Variants in RNASEH2B observed in about 807,000 individuals in gnomAD.
RNASEH2B encodes the protein ribonuclease H2 subunit B.
A neutral mutation model predicts 45.0 loss-of-function variants in RNASEH2B; 36 were observed. The observed-to-expected ratio is 0.80, with a 90% CI of 0.61 to 1.06. The LOEUF (loss-of-function observed/expected upper bound fraction) is 1.06. Ranked by LOEUF, RNASEH2B falls within the 50% of genes least tolerant of loss-of-function variation. The pLI is 0.00. For synonymous variants in RNASEH2B, 119 were observed against 125.7 expected, an observed-to-expected ratio of 0.95 and a Z score of 0.35; for missense variants, 361 against 360.3, an observed-to-expected ratio of 1.00 and a Z score of -0.02.
chr13:50,924,281 A>G (rs1278573381), intron 1 of RNASEH2B, among the ~76,000 whole-genome samples: 4 of 152,202 alleles, frequency 2.6e-5, no homozygotes, highest in Non-Finnish European at 5.9e-5. Context: ...TATCCTATCT[A>G]CTAGACACAC....
intron 1 of RNASEH2B, 196 bp downstream of exon 1, chr13:50,910,336 A>G: frequency 7.3e-6 from 3 of 412,032 alleles, no homozygotes; most frequent in East Asian, 7.7e-5. Flanking sequence ...GGAAGCGCCG[A>G]AAAGGACCGA....
At chr13:50,968,843 C>T (rs1422872606) in intron 9 of RNASEH2B, among the ~76,000 whole-genome samples, 1 of 152,158 alleles carries the variant, frequency 6.6e-6, no homozygotes, top group South Asian at 2.1e-4. Context: ...TTGATGGTCT[C>T]AGGCTAATCA....
rs766679026 is a variant in RNASEH2B, at chr13:50,927,488, C to T, written c.136+10C>T. 7 of 1,523,280 alleles carry T rather than the reference C, an allele frequency of 4.6e-6. No homozygotes were observed. The highest frequency in any genetic ancestry group is 6.4e-6 in the Non-Finnish European group (7 of 1,097,614). 94.4% of individuals were successfully genotyped at this position (1,523,280 alleles called of 1,614,324 possible). A position where few individuals can be genotyped will look rare whatever the true frequency, so the allele number is the denominator to read the frequency against. On this transcript the variant is annotated intron_variant, in intron 2 of 10. Coordinates refer to ENST00000336617, the MANE Select transcript of RNASEH2B (RefSeq NM_024570.4). The stretch of plus-strand genomic sequence containing the variant: ...GTTAACCCCTGTTCAGGTAAGTTCT[C>T]TTCTCATAACTTGAATGTTCTTAAA...
At chr13:50,920,992 T>A (rs1426880284) in intron 1 of RNASEH2B, among the ~76,000 whole-genome samples, 1 of 152,248 alleles carries the variant, frequency 6.6e-6, no homozygotes, top group Non-Finnish European at 1.5e-5. Context: ...AACTCTGTGC[T>A]TAGATTTCGT....
At chr13:50,939,218 G>A (rs1247520212) in intron 5 of RNASEH2B, 2 of 152,332 alleles carry the variant, frequency 1.3e-5, no homozygotes, top group Non-Finnish European at 2.9e-5. Context: ...TTAGCCAGGT[G>A]TGGTGGTGGG....
intron 5 of RNASEH2B, chr13:50,942,932 A>G (rs1010442985): frequency 5.0e-6 from 1 of 198,410 alleles, no homozygotes; most frequent in Non-Finnish European, 1.0e-5. Flanking sequence ...CTGAATACAC[A>G]ATGTAGTCTG....
At position 50,945,426 on chromosome 13, in the gene RNASEH2B, G is replaced by A. The variant is rs944032875; in HGVS notation, c.511-1G>A. ...CCTTTCCCCTCTTGGTTGCTTCATA[G>A]GTTAATCAAACTGTGGCAGCATTAA... is the stretch of plus-strand genomic sequence containing the variant. On this transcript the variant is annotated splice_acceptor_variant, in intron 6 of 10. Transcript: ENST00000336617. LOFTEE classifies it high-confidence loss of function. 2 of 1,608,358 alleles carry A rather than the reference G, an allele frequency of 1.2e-6. No homozygotes were observed. The highest frequency in any genetic ancestry group is 1.7e-5 in the Admixed American group (1 of 60,006).
At chr13:50,921,044 A>G (rs1951517703) in intron 1 of RNASEH2B, 1 of 152,190 alleles carries the variant, frequency 6.6e-6, no homozygotes, top group Non-Finnish European at 1.5e-5. Context: ...CGTGTTCTCG[A>G]CTTTTTCCAC....
At chr13:50,925,190 T>C (rs1951576678) in intron 1 of RNASEH2B, among the ~76,000 whole-genome samples, 1 of 152,042 alleles carries the variant, frequency 6.6e-6, no homozygotes, top group Middle Eastern at 3.4e-3. Flanking sequence ...GTATTTTTCA[T>C]CTTTAGAAAT....
chr13:50,936,434 G>A (rs1475986249), intron 5 of RNASEH2B: 1 of 152,134 alleles, frequency 6.6e-6, no homozygotes, highest in African/African-American at 2.4e-5. Flanking sequence ...GAACCTTATT[G>A]ATTGCATTTT....
chr13:50,949,415 T>C lies in RNASEH2B; in HGVS notation c.699-48T>C, dbSNP rs570354333. On this transcript the variant is annotated intron_variant, in intron 8 of 10. Transcript: ENST00000336617. ...AAGTTGGCCCTGTCTTTCTGTTTGTTTGTCTATGAAAAACGATGACTTTGA... is the reference window on the plus strand; with the variant it reads ...AAGTTGGCCCTGTCTTTCTGTTTGTCTGTCTATGAAAAACGATGACTTTGA... The C allele has an allele frequency of 1.2e-5, 19 of 1,582,046 alleles. No individual in the cohort carries two copies. In the East Asian group the frequency reaches 2.0e-4, roughly 17 times the overall value.
intron 1 of RNASEH2B, chr13:50,911,307 A>G (rs1370566511): frequency 6.6e-6 from 1 of 152,214 alleles, no homozygotes; most frequent in Non-Finnish European, 1.5e-5. Flanking sequence ...AAATTCATTC[A>G]TGTTGTAGCA....
chr13:50,934,621 T>G, intron 4 of RNASEH2B: 1 of 473,346 alleles, frequency 2.1e-6, no homozygotes. Context: ...CTTTTGTAGA[T>G]TGATTTTCTT....
chr13:50,936,427 C>A (rs541926165), intron 5 of RNASEH2B: 12 of 152,074 alleles, frequency 7.9e-5, no homozygotes, highest in African/African-American at 2.9e-4. Flanking sequence ...AAGAGAAGAA[C>A]CTTATTGATT....
Position 50,934,870 on chromosome 13 carries a change from T to A in RNASEH2B, c.322-15T>A. The A allele has an allele frequency of 6.5e-7, 1 of 1,537,040 alleles. No individual in the cohort carries two copies. The highest frequency in any genetic ancestry group is 9.0e-7 in the Non-Finnish European group (1 of 1,111,812). ...TTGAATGAAATGCTTGCTTTCCAACTAACTGTTTTTTCAGGGGAAGTTTCA... is the reference window on the plus strand; with the variant it reads ...TTGAATGAAATGCTTGCTTTCCAACAAACTGTTTTTTCAGGGGAAGTTTCA... On this transcript the variant is annotated splice_polypyrimidine_tract_variant and intron_variant, in intron 4 of 10. Transcript: ENST00000336617.
intron 8 of RNASEH2B, 150 bp from the exon 9 acceptor site, chr13:50,949,313 C>A: frequency 1.5e-6 from 1 of 683,248 alleles, no homozygotes; most frequent in Non-Finnish European, 2.6e-6. Flanking sequence ...AACTTTCATT[C>A]TTTACACTGA....
intron 7 of RNASEH2B, 70 bp from the exon 8 acceptor site, chr13:50,947,917 A>G: frequency 1.3e-6 from 2 of 1,595,754 alleles, no homozygotes; most frequent in African/African-American, 2.7e-5. Context: ...ATTCAGGTCA[A>G]TTTGACTATA....
intron 1 of RNASEH2B, among the ~76,000 whole-genome samples, chr13:50,925,586 C>G (rs903514690): frequency 5.3e-5 from 8 of 152,142 alleles, no homozygotes; most frequent in Admixed American, 4.6e-4. Context: ...CTACTAAGGA[C>G]CCTTTTGAGT....
At chr13:50,953,580 C>T (rs948658049) in intron 9 of RNASEH2B, 27 of 371,420 alleles carry the variant, frequency 7.3e-5, no homozygotes, top group Admixed American at 1.7e-4. Flanking sequence ...GCCTTGCATT[C>T]ATCTGGTAAT....
Sources: allele counts gnomAD v4.1 joint callset (sites outside exome capture counted in the v4.1 genomes callset), GRCh38; gene constraint gnomAD v4.1.1; transcripts MANE v1.5; gene names NCBI Gene and HGNC (gene_info 2026-07-23, HGNC 2026-07-21).